Variants in PTBP1 observed in about 807,000 individuals in gnomAD.
The protein encoded by PTBP1 is polypyrimidine tract binding protein 1.
Under a neutral mutation model 59.8 loss-of-function variants are expected in PTBP1, and 8 were observed. The observed-to-expected ratio is 0.13, with a 90% CI of 0.08 to 0.24. The LOEUF (loss-of-function observed/expected upper bound fraction) is 0.24, where lower values mean the gene tolerates loss of function less well. Ranked by LOEUF, PTBP1 falls within the 10% of genes least tolerant of loss-of-function variation. The pLI is 1.00. For synonymous variants in PTBP1, 490 were observed against 320.7 expected, an observed-to-expected ratio of 1.53 and a Z score of -5.64; for missense variants, 686 against 767.0, an observed-to-expected ratio of 0.89 and a Z score of 1.25.
chr19:808,470 C>T lies in PTBP1; in HGVS notation c.1246+18C>T. 2 of 1,580,282 alleles carry T rather than the reference C, an allele frequency of 1.3e-6. No homozygotes were observed. The highest frequency in any genetic ancestry group is 8.6e-7 in the Non-Finnish European group (1 of 1,164,586). On this transcript the variant is annotated intron_variant, in intron 12 of 14. Coordinates refer to ENST00000356948, the MANE Select transcript of PTBP1 (RefSeq NM_002819.5). This position sits in a 1 kb window ranked among gnomAD's most constrained non-coding sequence, Gnocchi z 4.7. ...CCAGCTGGGTAAGAGGCCGGGGCGGCCCCGGGGTGGAGGGGGCAGGGGCGG... is the reference window on the plus strand; with the variant it reads ...CCAGCTGGGTAAGAGGCCGGGGCGGTCCCGGGGTGGAGGGGGCAGGGGCGG...
Position 808,256 on chromosome 19 carries a change from C to T in PTBP1, c.1154-104C>T. ...GCAGTGGCCGATAAAGCAAACCCGG[C>T]CGGGCTGAGCCGGGCCTTGTGGGGG... On this transcript the variant is annotated intron_variant, in intron 11 of 14. Transcript: ENST00000356948. This position sits in a 1 kb window ranked among gnomAD's most constrained non-coding sequence, Gnocchi z 4.7. The T allele has an allele frequency of 2.0e-6, 2 of 983,984 alleles. No individual in the cohort carries two copies. The highest frequency in any genetic ancestry group is 3.1e-6 in the Non-Finnish European group (2 of 643,580). 61.0% of individuals were successfully genotyped at this position (983,984 alleles called of 1,614,324 possible).
At chr19:801,917 A>G in intron 2 of PTBP1, among the ~76,000 whole-genome samples, 1 of 152,058 alleles carries the variant, frequency 6.6e-6, no homozygotes, top group East Asian at 1.9e-4. Flanking sequence ...TGTTTTCAGT[A>G]TTTGGCTTCA....
chr19:799,562 T>A, intron 2 of PTBP1, 119 bp downstream of exon 2: 1 of 986,864 alleles, frequency 1.0e-6, no homozygotes, highest in Non-Finnish European at 1.6e-6. Context: ...TAAGGGGCAC[T>A]ACCCTTGGTC....
intron 3 of PTBP1, 56 bp downstream of exon 3, chr19:803,692 C>T (rs896975886): frequency 1.2e-5 from 17 of 1,465,544 alleles, no homozygotes; most frequent in African/African-American, 5.6e-5. Flanking sequence ...CCTGGAACAA[C>T]GTTACGTTCT....
At chr19:810,485 C>T in intron 13 of PTBP1, 58 bp from the exon 14 acceptor site, 3 of 1,499,610 alleles carry the variant, frequency 2.0e-6, no homozygotes, top group Non-Finnish European at 1.8e-6. Flanking sequence ...CCTCGCGGAC[C>T]TGACTGGGCG....
At position 808,400 on chromosome 19, in the gene PTBP1, T is replaced by C; in HGVS notation, c.1194T>C (p.Asn398=). ...TGCAGCGCGTGAAGATCCTGTTCAATAAGAAGGAGAACGCCCTAGTGCAGA... is the reference window on the plus strand; with the variant it reads ...TGCAGCGCGTGAAGATCCTGTTCAACAAGAAGGAGAACGCCCTAGTGCAGA... The part of the protein sequence containing the change: ...GDVQRVKILF[N]KKENALVQMA... The change falls in exon 12 of 15, where the codon AAT becomes AAC. Residue 398 remains asparagine (N), a synonymous_variant. Transcript: ENST00000356948. The surrounding 1 kb of genome is among the most constrained non-coding windows in gnomAD (Gnocchi z 4.7). 1 of 1,606,992 alleles carries C rather than the reference T, an allele frequency of 6.2e-7. No homozygotes were observed. Among genetic ancestry groups the C allele is most frequent in the Non-Finnish European group, 8.5e-7 (1 of 1,178,016 alleles).
At position 797,525 on chromosome 19, in the gene PTBP1, G is replaced by T; in HGVS notation, c.8+20G>T. On this transcript the variant is annotated intron_variant, in intron 1 of 14. Coordinates refer to ENST00000356948, the MANE Select transcript of PTBP1 (RefSeq NM_002819.5). Reference sequence around the variant, plus strand: ...GGACGGGTGAGTCGCACGTCGCCCCGCGCCCCACCGCCCTCCCCGCGCCGC... The same window carrying T: ...GGACGGGTGAGTCGCACGTCGCCCCTCGCCCCACCGCCCTCCCCGCGCCGC... The T allele has an allele frequency of 6.7e-7, 1 of 1,497,052 alleles. No individual in the cohort carries two copies. 92.7% of individuals were successfully genotyped at this position (1,497,052 alleles called of 1,614,324 possible). A position where few individuals can be genotyped will look rare whatever the true frequency, so the allele number is the denominator to read the frequency against.
Position 810,591 on chromosome 19 carries a change from G to A in PTBP1, c.1512G>A (p.Gly504=), listed in dbSNP as rs766030663. 1.9e-6 allele frequency: 3 copies of A among 1,613,748 alleles called. No homozygotes were observed. Among genetic ancestry groups the A allele is most frequent in the Non-Finnish European group, 1.7e-6 (2 of 1,179,894 alleles). ...EDLKVLFSSN[G]GVVKGFKFFQ... ...TCAAGGTCCTGTTTTCCAGCAATGG[G>A]GGCGTCGTCAAAGGATTCAAGTTCT... Residue 504 remains glycine, a synonymous_variant, in exon 14 of 15, where the codon GGG becomes GGA. Transcript: ENST00000356948.
In PTBP1 at chr19:808,777, G is replaced by T; in HGVS notation, c.1463+15G>T. On this transcript the variant is annotated intron_variant, in intron 13 of 14. Transcript: ENST00000356948. This position sits in a 1 kb window ranked among gnomAD's most constrained non-coding sequence, Gnocchi z 4.7. ...TCCAACATCCCGTGAGTGCTGGGCC[G>T]GGGGGCTCATGGGGCCGGGGGCGGG... is the stretch of plus-strand genomic sequence containing the variant. The T allele has an allele frequency of 6.5e-7, 1 of 1,539,944 alleles. No individual in the cohort carries two copies. The highest frequency in any genetic ancestry group is 8.9e-7 in the Non-Finnish European group (1 of 1,121,922).
chr19:810,500 C>A, intron 13 of PTBP1, 43 bp from the exon 14 acceptor site: 1 of 1,569,510 alleles, frequency 6.4e-7, no homozygotes, highest in Non-Finnish European at 8.7e-7. Flanking sequence ...TGGGCGCCCC[C>A]ACCCCCACGC....
chr19:810,436 C>CAAGGG, intron 13 of PTBP1, 107 bp from the exon 14 acceptor site: 2 of 894,412 alleles, frequency 2.2e-6, no homozygotes, highest in Non-Finnish European at 3.5e-6. Context: ...AAAGGCCCTA[C>CAAGGG]GCCTTCCCCG....
At position 808,782 on chromosome 19, in the gene PTBP1, GC is replaced by G; in HGVS notation, c.1463+21del. The G allele has an allele frequency of 6.5e-7, 1 of 1,537,166 alleles. No individual in the cohort carries two copies. Among genetic ancestry groups the G allele is most frequent in the Non-Finnish European group, 8.9e-7 (1 of 1,120,392 alleles). ...CATCCCGTGAGTGCTGGGCCGGGGG[GC>G]TCATGGGGCCGGGGGCGGGCAAGGG... On this transcript the variant is annotated intron_variant, in intron 13 of 14. Coordinates refer to ENST00000356948, the MANE Select transcript of PTBP1 (RefSeq NM_002819.5). The surrounding 1 kb of genome is among the most constrained non-coding windows in gnomAD (Gnocchi z 4.7).
chr19:810,965 A>T lies in PTBP1; in HGVS notation c.*139A>T, dbSNP rs1291157599. The T allele has an allele frequency of 3.1e-5, 29 of 931,038 alleles. No homozygotes were observed. The highest frequency in any genetic ancestry group is 4.1e-5 in the South Asian group (2 of 48,502). The allele number at this position is 931,038 out of a possible 1,614,324, so 57.7% of individuals were successfully genotyped here. A position where few individuals can be genotyped will look rare whatever the true frequency, so the allele number is the denominator to read the frequency against. Reference sequence around the variant, plus strand: ...AAGAGAAATCAGTTTACCTGTTTTTAAAAAAATTAAATCTAGTTCACCTTG... The same window carrying T: ...AAGAGAAATCAGTTTACCTGTTTTTTAAAAAATTAAATCTAGTTCACCTTG... On this transcript the variant is annotated 3_prime_UTR_variant, in exon 15 of 15. Coordinates refer to ENST00000356948, the MANE Select transcript of PTBP1 (RefSeq NM_002819.5).
At position 807,544 on chromosome 19, in the gene PTBP1, C is replaced by T. The variant is rs1307192225; in HGVS notation, c.1120-325C>T. 5 of 356,128 alleles carry T rather than the reference C, an allele frequency of 1.4e-5. No homozygotes were observed. The South Asian group carries it at 1.6e-4, about 11-fold the overall frequency. The allele number at this position is 356,128 out of a possible 1,614,324, so 22.1% of individuals were successfully genotyped here. A position where few individuals can be genotyped will look rare whatever the true frequency, so the allele number is the denominator to read the frequency against. On this transcript the variant is annotated intron_variant, in intron 10 of 14. Transcript: ENST00000356948. Reference sequence around the variant, plus strand: ...CCTGTGTTTTTTTGCTACTTTTTTTCTTTTCTCCCCTTCCCCTTTCCCTAT... The same window carrying T: ...CCTGTGTTTTTTTGCTACTTTTTTTTTTTTCTCCCCTTCCCCTTTCCCTAT...
intron 1 of PTBP1, 59 bp from the exon 2 acceptor site, chr19:799,354 G>T (rs1313224807): frequency 6.5e-7 from 1 of 1,530,266 alleles, no homozygotes; most frequent in Non-Finnish European, 9.1e-7. Flanking sequence ...GGACAGCTGG[G>T]TGCTCCTGCT....
At chr19:803,909 T>G in intron 3 of PTBP1, 127 bp from the exon 4 acceptor site, 1 of 1,155,622 alleles carries the variant, frequency 8.7e-7, no homozygotes, top group Non-Finnish European at 1.2e-6. Flanking sequence ...CGCTGCTGGT[T>G]CACATGCACC....
chr19:798,032 C>T (rs2145011503), intron 1 of PTBP1, among the ~76,000 whole-genome samples: 1 of 151,334 alleles, frequency 6.6e-6, no homozygotes, highest in East Asian at 1.9e-4. Flanking sequence ...CTGGGGCGGC[C>T]GCCGGGAGGG....
In PTBP1 at chr19:806,532, G is replaced by A; in HGVS notation, c.1095G>A (p.Leu365=). Residue 365 remains leucine (L), a synonymous_variant, in exon 10 of 15, where the codon TTG becomes TTA. Transcript: ENST00000356948. ...PGLAGAGNSV[L]LVSNLNPERV... ...TGGCGGGGGCAGGAAATTCTGTATTGCTGGTCAGCAACCTCAACCCAGAGG... is the reference window on the plus strand; with the variant it reads ...TGGCGGGGGCAGGAAATTCTGTATTACTGGTCAGCAACCTCAACCCAGAGG... 6.5e-7 allele frequency: 1 copy of A among 1,546,892 alleles called. No homozygotes were observed. The highest frequency in any genetic ancestry group is 2.5e-5 in the East Asian group (1 of 40,456).
At chr19:810,496 C>T (rs1173561658) in intron 13 of PTBP1, 47 bp from the exon 14 acceptor site, 1 of 1,557,452 alleles carries the variant, frequency 6.4e-7, no homozygotes, top group Non-Finnish European at 8.8e-7. Context: ...TGACTGGGCG[C>T]CCCCACCCCC....
Sources: gnomAD v4.1 joint callset for allele counts (sites outside exome capture counted in the v4.1 genomes callset) on GRCh38, gnomAD v4.1.1 for gene constraint, Gnocchi (gnomAD v3.1) non-coding constraint, MANE v1.5 for transcripts, NCBI Gene and HGNC (gene_info 2026-07-23, HGNC 2026-07-21) for gene names.